LIMCH1: variants seen among roughly 807,000 people sequenced by gnomAD.
LIMCH1 encodes LIM and calponin homology domains 1.
A neutral mutation model predicts 176.5 loss-of-function variants in LIMCH1; 113 were observed. The ratio of observed to expected loss-of-function variants is 0.64; its 90% confidence interval spans 0.55 to 0.75. The LOEUF is 0.75. Ranked by LOEUF, LIMCH1 falls within the 30% of genes least tolerant of loss-of-function variation. The probability of loss-of-function intolerance (pLI) is 0.00; values close to 1 mark genes in which losing one functional copy is unlikely to be tolerated. For missense variants in LIMCH1, 1,674 were observed against 1,814.9 expected, an observed-to-expected ratio of 0.92 and a Z score of 1.41; for synonymous variants, 619 against 645.9, an observed-to-expected ratio of 0.96 and a Z score of 0.63.
upstream of LIMCH1, chr4:41,360,624 G>A: frequency 3.5e-6 from 1 of 282,858 alleles, no homozygotes. The surrounding 1 kb of genome is among the most constrained non-coding windows in gnomAD (Gnocchi z 4.5). Context: ...GCTCCCGCGG[G>A]TCACTCACGG....
chr4:41,679,600 G>T (rs912096542), intron 23 of LIMCH1, among the ~76,000 whole-genome samples: 1 of 152,100 alleles, frequency 6.6e-6, no homozygotes, highest in African/African-American at 2.4e-5. Flanking sequence ...AACCTTCAGG[G>T]TTTTTCATCT....
chr4:41,697,357 G>C lies in LIMCH1; in HGVS notation c.*172G>C. ...GTAGCACAGTGTTTATGTTTTTCCTGTTTATTGTTTTGGTTTTTTTTTTTT... is the reference window on the plus strand; with the variant it reads ...GTAGCACAGTGTTTATGTTTTTCCTCTTTATTGTTTTGGTTTTTTTTTTTT... On this transcript the variant is annotated 3_prime_UTR_variant, in exon 32 of 32. Coordinates refer to ENST00000503057, the MANE Select transcript of LIMCH1 (RefSeq NM_001330672.2). 1 of 439,584 alleles carries C rather than the reference G, an allele frequency of 2.3e-6. No individual in the cohort carries two copies. The highest frequency in any genetic ancestry group is 4.0e-6 in the Non-Finnish European group (1 of 249,576). The allele number at this position is 439,584 out of a possible 1,614,324, so 27.2% of individuals were successfully genotyped here.
chr4:41,626,128 A>G (rs1355222682), intron 7 of LIMCH1, among the ~76,000 whole-genome samples: 1 of 152,222 alleles, frequency 6.6e-6, no homozygotes, highest in East Asian at 1.9e-4. Context: ...GTGGAGGACC[A>G]GGGAATGGAA....
chr4:41,490,331 GGAT>G (rs1383816397), intron 1 of LIMCH1, among the ~76,000 whole-genome samples: 1 of 150,846 alleles, frequency 6.6e-6, no homozygotes, highest in African/African-American at 2.4e-5. Flanking sequence ...TCAGAGAGGG[GGAT>G]GTGGCAGGGT....
chr4:41,524,619 G>T, intron 3 of LIMCH1: 2 of 672,766 alleles, frequency 3.0e-6, no homozygotes, highest in Non-Finnish European at 2.7e-6. Flanking sequence ...TAAACGAAGA[G>T]GTCACTTAAA....
chr4:41,573,029 T>A (rs747813262), intron 1 of LIMCH1, among the ~76,000 whole-genome samples: 3 of 152,232 alleles, frequency 2.0e-5, no homozygotes, highest in Non-Finnish European at 2.9e-5. Context: ...TTAGCCAGTG[T>A]AGGACTTTCA....
rs575177810 is a variant in LIMCH1 at position 41,596,012 on chromosome 4, G to A, written c.-240-2908G>A. On this transcript the variant is annotated intron_variant, in intron 1 of 31. Transcript: ENST00000503057. Reference sequence around the variant, plus strand: ...CTGAAGTGAGCCGAGATTGCATACTGCACTCCAGCCTGGGTGACAGAGTGA... The same window carrying A: ...CTGAAGTGAGCCGAGATTGCATACTACACTCCAGCCTGGGTGACAGAGTGA... 5.5e-5 allele frequency among the ~76,000 whole-genome samples: 8 copies of A among 146,116 alleles called. No homozygotes were observed. In the South Asian group the frequency reaches 1.7e-3, roughly 31 times the overall value.
At chr4:41,481,215 G>A (rs985436679) in intron 1 of LIMCH1, among the ~76,000 whole-genome samples, 2 of 152,192 alleles carry the variant, frequency 1.3e-5, no homozygotes, top group Admixed American at 6.5e-5. Context: ...CTGGACTTCT[G>A]TGCTGTTTCT....
At chr4:41,601,480 AC>A (rs2089917759) in intron 2 of LIMCH1, among the ~76,000 whole-genome samples, 1 of 152,152 alleles carries the variant, frequency 6.6e-6, no homozygotes, top group South Asian at 2.1e-4. Flanking sequence ...AAGAGCAGGT[AC>A]AAAGTCAGGG....
At chr4:41,586,974 G>A (rs1410394321) in intron 1 of LIMCH1, among the ~76,000 whole-genome samples, 1 of 152,156 alleles carries the variant, frequency 6.6e-6, no homozygotes, top group Admixed American at 6.5e-5. Context: ...GCAAGGAATT[G>A]TGCTTCCAAA....
At chr4:41,442,330 A>ATAAAAG (rs1461467514) in intron 1 of LIMCH1, among the ~76,000 whole-genome samples, 3 of 152,110 alleles carry the variant, frequency 2.0e-5, no homozygotes, top group African/African-American at 7.2e-5. Flanking sequence ...AAAAATAAAA[A>ATAAAAG]TAAATAAAAA....
chr4:41,384,591 A>C (rs1429874893), intron 1 of LIMCH1, among the ~76,000 whole-genome samples: 2 of 152,160 alleles, frequency 1.3e-5, no homozygotes, highest in East Asian at 3.9e-4. Context: ...TGGGAGAGTA[A>C]GGATTAAGTT....
upstream of LIMCH1, among the ~76,000 whole-genome samples, chr4:41,536,501 T>C (rs1007990720): frequency 1.3e-5 from 2 of 152,212 alleles, no homozygotes; most frequent in African/African-American, 2.4e-5. Context: ...TTCTAAAATT[T>C]AACTATATTC....
chr4:41,411,936 G>A (rs567258813), intron 1 of LIMCH1, among the ~76,000 whole-genome samples: 16 of 116,472 alleles, frequency 1.4e-4, no homozygotes, highest in African/African-American at 5.0e-4. Flanking sequence ...CAGCCTAGGC[G>A]ACAGAGCGAG....
intron 1 of LIMCH1, among the ~76,000 whole-genome samples, chr4:41,567,938 A>G (rs2082993183): frequency 6.6e-6 from 1 of 152,196 alleles, no homozygotes; most frequent in Non-Finnish European, 1.5e-5. Flanking sequence ...GCGGACCACG[A>G]GGTCAGGAGT....
chr4:41,437,141 T>C (rs755075515), intron 1 of LIMCH1, among the ~76,000 whole-genome samples: 9 of 152,218 alleles, frequency 5.9e-5, no homozygotes, highest in Non-Finnish European at 8.8e-5. Context: ...TTTGTGTCCA[T>C]GAAAAATATC....
Position 41,629,446 on chromosome 4 carries a change from G to A in LIMCH1, c.1029-46G>A, listed in dbSNP as rs761332520. The A allele has an allele frequency of 5.2e-6, 8 of 1,529,628 alleles. No homozygotes were observed. In the East Asian group the frequency reaches 2.0e-4, roughly 37 times the overall value. 94.8% of individuals were successfully genotyped at this position (1,529,628 alleles called of 1,614,324 possible). On this transcript the variant is annotated intron_variant, in intron 8 of 31. Coordinates refer to ENST00000503057, the MANE Select transcript of LIMCH1 (RefSeq NM_001330672.2). ...TTCTCTTTGTCTGCTCCCCTTCCTT[G>A]AACTTGATTTTTCCATTGGTGTGGG...
chr4:41,690,742 A>C (rs1365021423), intron 30 of LIMCH1, among the ~76,000 whole-genome samples: 1 of 152,210 alleles, frequency 6.6e-6, no homozygotes, highest in Non-Finnish European at 1.5e-5. Context: ...ACTTGAAAGC[A>C]AGATTTATCA....
intron 20 of LIMCH1, among the ~76,000 whole-genome samples, chr4:41,665,129 G>A (rs933058745): frequency 6.6e-6 from 1 of 152,092 alleles, no homozygotes; most frequent in Non-Finnish European, 1.5e-5. Context: ...GATAAAGGGC[G>A]AATGGTGGCC....
Sources: allele counts gnomAD v4.1 joint callset (sites outside exome capture counted in the v4.1 genomes callset), GRCh38; gene constraint gnomAD v4.1.1; non-coding constraint Gnocchi (gnomAD v3.1); transcripts MANE v1.5; gene names NCBI Gene and HGNC (gene_info 2026-07-23, HGNC 2026-07-21).